NMRK1: variants seen among roughly 807,000 people sequenced by gnomAD.
NMRK1 encodes nicotinamide riboside kinase 1.
Under a neutral mutation model 29.9 loss-of-function variants are expected in NMRK1, and 28 were observed. That is an observed-to-expected ratio of 0.94 (90% confidence interval 0.69 to 1.28). NMRK1 has a LOEUF of 1.28. Ranked by LOEUF, NMRK1 falls within the 50% of genes most tolerant of loss-of-function variation. The pLI is 0.00. For synonymous variants in NMRK1, 58 were observed against 73.0 expected (o/e 0.79, Z 1.05); for missense variants, 218 against 233.1 (o/e 0.94, Z 0.42).
intron 2 of NMRK1, chr9:75,078,283 C>T (rs1824119537): frequency 6.4e-7 from 1 of 1,552,044 alleles, no homozygotes; most frequent in Admixed American, 2.0e-5. Flanking sequence ...CCTCAAGGCA[C>T]AGTGGAAAAA....
chr9:75,077,637 C>T, intron 2 of NMRK1, 57 bp from the exon 3 acceptor site: 1 of 1,230,202 alleles, frequency 8.1e-7, no homozygotes, highest in Non-Finnish European at 1.1e-6. Flanking sequence ...AATCATTAAA[C>T]ACTTTTTTTT....
chr9:75,073,560 A>G lies in NMRK1; in HGVS notation c.170-3518T>C, dbSNP rs112391858. ...TGGAGACCAGCCTGGCCAACATGGC[A>G]AAACCCCAAATCTACTTTAAAAAAA... On this transcript the variant is annotated intron_variant, in intron 4 of 8. Transcript: ENST00000361092. Among the ~76,000 whole-genome samples the G allele has an allele frequency of 3.0e-3, 460 of 152,136 alleles. 1 individual carries two copies. The highest frequency in any genetic ancestry group is 0.011 in the African/African-American group (451 of 41,494).
chr9:75,061,790 C>A (rs11144208), intron 8 of NMRK1, among the ~76,000 whole-genome samples: 20,982 of 152,202 alleles, frequency 0.14, 1,800 homozygotes, highest in Non-Finnish European at 0.19. Flanking sequence ...TATCCAATAT[C>A]ACTTGTAGTT....
intron 8 of NMRK1, chr9:75,066,365 G>C: frequency 2.2e-6 from 1 of 453,294 alleles, no homozygotes; most frequent in Non-Finnish European, 4.4e-6. Context: ...TTGGAAAGTA[G>C]AAATTTTACA....
chr9:75,066,288 C>G, intron 8 of NMRK1: 3 of 518,276 alleles, frequency 5.8e-6, no homozygotes, highest in Non-Finnish European at 1.2e-5. Flanking sequence ...CAGTGCCGTC[C>G]AATATGAAAA....
At chr9:75,085,261 A>G (rs138768825) in intron 1 of NMRK1, among the ~76,000 whole-genome samples, 250 of 152,344 alleles carry the variant, frequency 1.6e-3, no homozygotes, top group African/African-American at 5.7e-3. Flanking sequence ...TTCATTTTGC[A>G]TAAGTGGAAA....
At chr9:75,082,989 A>G (rs1009939399) in intron 2 of NMRK1, 98 bp downstream of exon 2, 2 of 873,824 alleles carry the variant, frequency 2.3e-6, no homozygotes, top group African/African-American at 1.7e-5. Context: ...AGGACTCTGG[A>G]ATCCTCACTG....
rs1351589265 is a variant in NMRK1 at position 75,077,628 on chromosome 9, A to G, written c.30-48T>C. On this transcript the variant is annotated intron_variant, in intron 2 of 8. Coordinates refer to ENST00000361092, the MANE Select transcript of NMRK1 (RefSeq NM_017881.3). ...TACCAAGAAGGAAAATGCATTAAAA[A>G]TCATTAAACACTTTTTTTTTTTTGA... is the stretch of plus-strand genomic sequence containing the variant. 3.7e-6 allele frequency: 5 copies of G among 1,336,086 alleles called. No individual in the cohort carries two copies. The South Asian group carries it at 6.0e-5, about 16-fold the overall frequency. The allele number at this position is 1,336,086 out of a possible 1,614,324, so 82.8% of individuals were successfully genotyped here. A position where few individuals can be genotyped will look rare whatever the true frequency, so the allele number is the denominator to read the frequency against.
intron 8 of NMRK1, among the ~76,000 whole-genome samples, 161 bp downstream of exon 8, chr9:75,066,593 AACC>A (rs1244269633): frequency 1.1e-3 from 62 of 58,468 alleles, no homozygotes; most frequent in African/African-American, 3.8e-3. Context: ...TGAGTCTCCA[AACC>A]CCCCCCCAGA....
chr9:75,070,508 TAA>T (rs1474275291), intron 4 of NMRK1, among the ~76,000 whole-genome samples: 1 of 152,220 alleles, frequency 6.6e-6, no homozygotes, highest in Non-Finnish European at 1.5e-5. Flanking sequence ...GATAAATAAC[TAA>T]AAGTCAGACT....
chr9:75,064,059 C>T (rs1024553327), intron 8 of NMRK1, among the ~76,000 whole-genome samples: 8 of 151,836 alleles, frequency 5.3e-5, no homozygotes, highest in Admixed American at 1.3e-4. Flanking sequence ...GAAGGAGGGG[C>T]GTCACAACAC....
At chr9:75,067,239 G>A (rs910192967) in intron 7 of NMRK1, 1 of 167,770 alleles carries the variant, frequency 6.0e-6, no homozygotes, top group Non-Finnish European at 1.3e-5. Context: ...CACCTGGGAA[G>A]CTTCTTAAAC....
chr9:75,064,249 T>C (rs1055886317), intron 8 of NMRK1, among the ~76,000 whole-genome samples: 2 of 152,132 alleles, frequency 1.3e-5, no homozygotes, highest in African/African-American at 4.8e-5. Flanking sequence ...CAAACTCCAG[T>C]GTATCACTTA....
intron 1 of NMRK1, among the ~76,000 whole-genome samples, chr9:75,084,774 A>T (rs1824522021): frequency 6.6e-6 from 1 of 152,218 alleles, no homozygotes; most frequent in Non-Finnish European, 1.5e-5. Context: ...TGGGTGGCAG[A>T]GTGAGGCCCT....
chr9:75,082,854 G>A (rs1824395825), intron 2 of NMRK1: 1 of 511,484 alleles, frequency 2.0e-6, no homozygotes, highest in African/African-American at 2.0e-5. Context: ...AAAATAAATG[G>A]GAAAGTGGGT....
chr9:75,067,999 T>C (rs754598324), intron 7 of NMRK1, among the ~76,000 whole-genome samples: 17 of 152,162 alleles, frequency 1.1e-4, no homozygotes, highest in Non-Finnish European at 2.4e-4. Context: ...TCCGGATGCT[T>C]ACCTCCAAAT....
intron 4 of NMRK1, among the ~76,000 whole-genome samples, chr9:75,073,414 G>A (rs562261920): frequency 6.6e-6 from 1 of 152,226 alleles, no homozygotes; most frequent in East Asian, 1.9e-4. Flanking sequence ...TGTTGCCCTA[G>A]CAAACTAATA....
Position 75,077,523 on chromosome 9 carries a change from A to G in NMRK1, c.87T>C (p.Asn29=). 6.2e-7 allele frequency: 1 copy of G among 1,613,278 alleles called. No individual in the cohort carries two copies. Among genetic ancestry groups the G allele is most frequent in the Middle Eastern group, 1.7e-4 (1 of 6,060 alleles). The change falls in exon 3 of 9, where the codon AAT becomes AAC. Residue 29 remains asparagine (N), a synonymous_variant. Coordinates refer to ENST00000361092, the MANE Select transcript of NMRK1 (RefSeq NM_017881.3). ...AATCATCCTGAGATATGACACTGCA[A>G]TTTGGGAGGTGTTTCTGCAAATTCT... The part of the protein sequence containing the change: ...LAKNLQKHLP[N]CSVISQDDFF...
At chr9:75,087,793 T>A (rs1365010756) in intron 1 of NMRK1, 1 of 152,094 alleles carries the variant, frequency 6.6e-6, no homozygotes, top group African/African-American at 2.4e-5. Context: ...CGTTCCCATT[T>A]TCAGGATTAT....
Sources: gnomAD v4.1 joint callset for allele counts (sites outside exome capture counted in the v4.1 genomes callset) on GRCh38, gnomAD v4.1.1 for gene constraint, MANE v1.5 for transcripts, NCBI Gene and HGNC (gene_info 2026-07-23, HGNC 2026-07-21) for gene names.